AP3B2: variants seen among roughly 807,000 people sequenced by gnomAD.
AP3B2 encodes the protein adaptor related protein complex 3 subunit beta 2, also known as AP-3 complex subunit beta-2.
A neutral mutation model predicts 126.9 loss-of-function variants in AP3B2; 50 were observed. That is an observed-to-expected ratio of 0.39 (90% CI 0.31 to 0.50). The LOEUF (loss-of-function observed/expected upper bound fraction) is 0.50. Among genes scored for constraint, AP3B2 ranks in the 20% least tolerant of loss-of-function variants. The pLI is 0.79. For synonymous variants in AP3B2, 541 were observed against 565.0 expected (o/e 0.96, Z 0.60); for missense variants, 1,177 against 1,426.4 (o/e 0.83, Z 2.82).
At chr15:82,692,151 C>T in intron 1 of AP3B2, 1 of 1,492,626 alleles carries the variant, frequency 6.7e-7, no homozygotes, top group Non-Finnish European at 9.2e-7. Flanking sequence ...CCGACACTGG[C>T]CATAATCATA....
rs1217527881 is a variant in AP3B2, at chr15:82,661,903, A to C, written c.2938T>G (p.Tyr980Asp). The change falls in exon 25 of 27, where the codon TAC (tyrosine) becomes GAC (aspartate). Residue 980 changes from tyrosine to aspartate, a missense_variant. Transcript: ENST00000535359. ...CCAACAGGTGGCTGAATGGAGACGTAGAACTGTCGGGTCTGGGTGCTGGGA... is the reference window on the plus strand; with the variant it reads ...CCAACAGGTGGCTGAATGGAGACGTCGAACTGTCGGGTCTGGGTGCTGGGA... The part of the protein sequence containing the change: ...FQLCTQTRQF[Y>D]VSIQPPVGEL... 1.2e-6 allele frequency: 2 copies of C among 1,613,826 alleles called. No homozygotes were observed. Among genetic ancestry groups the C allele is most frequent in the African/African-American group, 2.7e-5 (2 of 74,938 alleles).
At chr15:82,707,952 G>A (rs1051440588) in intron 1 of AP3B2, among the ~76,000 whole-genome samples, 10 of 151,690 alleles carry the variant, frequency 6.6e-5, no homozygotes, top group African/African-American at 2.2e-4. Flanking sequence ...ACCACCCCCC[G>A]CCAAAATGTT....
chr15:82,688,892 T>G, intron 3 of AP3B2, 61 bp from the exon 4 acceptor site: 1 of 1,448,920 alleles, frequency 6.9e-7, no homozygotes, highest in Non-Finnish European at 9.4e-7. Context: ...CCCACCCCCC[T>G]ACCCCTGGGA....
At chr15:82,703,618 A>G (rs1251264294) in intron 1 of AP3B2, among the ~76,000 whole-genome samples, 2 of 152,100 alleles carry the variant, frequency 1.3e-5, no homozygotes, top group African/African-American at 4.8e-5. Flanking sequence ...TAGCCAGAAA[A>G]CGGCACTTTC....
chr15:82,691,827 T>A, intron 1 of AP3B2: 1 of 1,394,350 alleles, frequency 7.2e-7, no homozygotes, highest in African/African-American at 1.4e-5. Context: ...CCATAGCTGG[T>A]GCTTCTCTCA....
At chr15:82,697,966 C>A (rs1426170677) in intron 1 of AP3B2, 1 of 152,538 alleles carries the variant, frequency 6.6e-6, no homozygotes, top group African/African-American at 2.4e-5. Flanking sequence ...TAGGCGTGGG[C>A]AGCACCGAGG....
intron 1 of AP3B2, chr15:82,691,764 G>A (rs1298374424): frequency 8.3e-6 from 13 of 1,573,152 alleles, no homozygotes; most frequent in East Asian, 4.5e-5. Context: ...GGGGAACCCC[G>A]GCTTTAGTAT....
chr15:82,707,610 TTAAAG>T (rs2048817050), intron 1 of AP3B2, among the ~76,000 whole-genome samples: 1 of 152,226 alleles, frequency 6.6e-6, no homozygotes, highest in Non-Finnish European at 1.5e-5. Flanking sequence ...TAACTCCCTC[TTAAAG>T]TAAATAAATA....
In AP3B2 at chr15:82,664,124, G is replaced by A. The variant is rs1458760624; in HGVS notation, c.2262-149C>T. The stretch of plus-strand genomic sequence containing the variant: ...TGAGGTCCTATAGCAGGGACCCCGT[G>A]AGAGCTTGAAGCCAGCTTGTGCCAG... On this transcript the variant is annotated intron_variant, in intron 19 of 26. Transcript: ENST00000535359. This position sits in a 1 kb window ranked among gnomAD's most constrained non-coding sequence, Gnocchi z 4.5. 7.9e-6 allele frequency: 11 copies of A among 1,388,612 alleles called. No individual in the cohort carries two copies. The African/African-American group carries it at 1.6e-4, about 20-fold the overall frequency. The allele number at this position is 1,388,612 out of a possible 1,614,324, so 86.0% of individuals were successfully genotyped here.
Position 82,663,371 on chromosome 15 carries a change from C to T in AP3B2, c.2498-138G>A, listed in dbSNP as rs1035826103. The stretch of plus-strand genomic sequence containing the variant: ...GCTGCCTGGAGGCTCTCGCAAAATA[C>T]CCATTCCTAGACCTCAACCCCAGAC... On this transcript the variant is annotated intron_variant, in intron 21 of 26. Transcript: ENST00000535359. 8 of 974,320 alleles carry T rather than the reference C, an allele frequency of 8.2e-6. No individual in the cohort carries two copies. The South Asian group carries it at 1.1e-4, about 14-fold the overall frequency. The allele number at this position is 974,320 out of a possible 1,614,324, so 60.4% of individuals were successfully genotyped here.
At position 82,699,884 on chromosome 15, in the gene AP3B2, T is replaced by C. The variant is rs2048691645; in HGVS notation, c.113+9710A>G. On this transcript the variant is annotated intron_variant, in intron 1 of 26. Coordinates refer to ENST00000535359, the MANE Select transcript of AP3B2 (RefSeq NM_001278512.2). ...TGCAGGAATCGCTGCATCAGGTTCT[T>C]CTCCAGGAATGGACTGAGCTGGCCA... 7.5e-6 allele frequency: 3 copies of C among 399,658 alleles called. No homozygotes were observed. The East Asian group carries it at 1.1e-4, about 14-fold the overall frequency. 24.8% of individuals were successfully genotyped at this position (399,658 alleles called of 1,614,324 possible). A position where few individuals can be genotyped will look rare whatever the true frequency, so the allele number is the denominator to read the frequency against.
intron 1 of AP3B2, among the ~76,000 whole-genome samples, chr15:82,697,248 G>A (rs1311348132): frequency 1.3e-5 from 2 of 151,922 alleles, no homozygotes; most frequent in South Asian, 4.1e-4. Flanking sequence ...GCAGGAGAAT[G>A]GCGTGAACCC....
intron 10 of AP3B2, 114 bp downstream of exon 10, chr15:82,679,615 C>G: frequency 9.9e-7 from 1 of 1,009,856 alleles, no homozygotes; most frequent in East Asian, 2.5e-5. Context: ...GTCATGGGCT[C>G]CTGGGCTCAG....
In AP3B2 at chr15:82,666,883, G is replaced by A. The variant is rs2151431151; in HGVS notation, c.1716C>T (p.Asn572=). The A allele has an allele frequency of 6.2e-7, 1 of 1,614,014 alleles. No individual in the cohort carries two copies. Among genetic ancestry groups the A allele is most frequent in the Non-Finnish European group, 8.5e-7 (1 of 1,179,874 alleles). ...YVLSLAKYDQ[N]YDIRDRARFT... ...AGCGCGCCCGGTCGCGAATATCATA[G>A]TTCTGGTCATATTTGGCCAGACTCA... Residue 572 remains asparagine (N), a synonymous_variant, in exon 15 of 27, where the codon AAC becomes AAT. Transcript: ENST00000535359.
intron 1 of AP3B2, among the ~76,000 whole-genome samples, chr15:82,694,912 T>C (rs2048608799): frequency 6.6e-6 from 1 of 152,076 alleles, no homozygotes; most frequent in Admixed American, 6.5e-5. Context: ...CTCTTGACAA[T>C]AGGGATGCTA....
intron 4 of AP3B2, chr15:82,685,362 C>A (rs1229923967): frequency 6.6e-6 from 1 of 152,166 alleles, no homozygotes; most frequent in East Asian, 1.9e-4. Context: ...AAGTGCAATA[C>A]AATGAGGTGT....
Position 82,680,145 on chromosome 15 carries a change from A to C in AP3B2, c.1110+30T>G. 3 of 1,612,390 alleles carry C rather than the reference A, an allele frequency of 1.9e-6. 1 individual carries two copies. In the Middle Eastern group the frequency reaches 4.9e-4, roughly 266 times the overall value. Reference sequence around the variant, plus strand: ...GTGCCCGCAGAAGCGGCCCTCGGACAGCGAGGACAGCCCGCCGTCGCAGGC... The same window carrying C: ...GTGCCCGCAGAAGCGGCCCTCGGACCGCGAGGACAGCCCGCCGTCGCAGGC... On this transcript the variant is annotated intron_variant, in intron 9 of 26. Transcript: ENST00000535359. The surrounding 1 kb of genome is among the most constrained non-coding windows in gnomAD (Gnocchi z 6.1).
In AP3B2 at chr15:82,665,668, G is replaced by A. The variant is rs908713110; in HGVS notation, c.1853-93C>T. The A allele has an allele frequency of 5.3e-6, 5 of 952,294 alleles. No homozygotes were observed. The highest frequency in any genetic ancestry group is 1.4e-5 in the South Asian group (1 of 69,054). 59.0% of individuals were successfully genotyped at this position (952,294 alleles called of 1,614,324 possible). A position where few individuals can be genotyped will look rare whatever the true frequency, so the allele number is the denominator to read the frequency against. ...GTGGGGCTGGGTGGTGATTCTGGTTGGGACTTCCCAGGTGGGTAGGGGAAG... is the reference window on the plus strand; with the variant it reads ...GTGGGGCTGGGTGGTGATTCTGGTTAGGACTTCCCAGGTGGGTAGGGGAAG... On this transcript the variant is annotated intron_variant, in intron 15 of 26. Transcript: ENST00000535359. This position sits in a 1 kb window ranked among gnomAD's most constrained non-coding sequence, Gnocchi z 4.4.
chr15:82,699,811 G>T, intron 1 of AP3B2: 2 of 399,404 alleles, frequency 5.0e-6, no homozygotes, highest in Non-Finnish European at 8.8e-6. Context: ...CTCTTGATCA[G>T]CTCCGCAGGC....
Sources: gnomAD v4.1 joint callset for allele counts (sites outside exome capture counted in the v4.1 genomes callset) on GRCh38, gnomAD v4.1.1 for gene constraint, Gnocchi (gnomAD v3.1) non-coding constraint, MANE v1.5 for transcripts, NCBI Gene and HGNC (gene_info 2026-07-23, HGNC 2026-07-21) for gene names.